Variants in SLC7A9 observed in about 807,000 individuals in gnomAD.
SLC7A9 encodes the protein B(0,+)-type amino acid transporter 1.
Under a neutral mutation model 54.1 loss-of-function variants are expected in SLC7A9, and 38 were observed. The observed-to-expected ratio is 0.70, with a 90% CI of 0.54 to 0.92. The LOEUF is 0.92. Ranked by LOEUF, SLC7A9 falls within the 40% of genes least tolerant of loss-of-function variation. The probability of loss-of-function intolerance (pLI) is 0.00; values close to 1 mark genes in which losing one functional copy is unlikely to be tolerated. For synonymous variants in SLC7A9, 264 were observed against 258.9 expected (o/e 1.02, Z -0.19); for missense variants, 537 against 636.1 (o/e 0.84, Z 1.68).
At chr19:32,832,135 GGAAAT>G (rs1967815224) in intron 12 of SLC7A9, among the ~76,000 whole-genome samples, 1 of 150,080 alleles carries the variant, frequency 6.7e-6, no homozygotes, top group Non-Finnish European at 1.5e-5. Context: ...ACAACAACAA[GGAAAT>G]TAGCCGGGTG....
intron 3 of SLC7A9, 116 bp from the exon 4 acceptor site, chr19:32,864,454 C>G: frequency 6.5e-7 from 1 of 1,533,686 alleles, no homozygotes; most frequent in East Asian, 2.3e-5. Context: ...GTGGTCCGCC[C>G]TCGCTGGACG....
chr19:32,860,921 C>A (rs559399074), intron 6 of SLC7A9, among the ~76,000 whole-genome samples: 1 of 152,204 alleles, frequency 6.6e-6, no homozygotes, highest in African/African-American at 2.4e-5. Context: ...AGTAGTGAGT[C>A]CCCAGGGTGC....
chr19:32,838,790 CAAAT>C (rs1184169202), intron 11 of SLC7A9, among the ~76,000 whole-genome samples: 7 of 145,506 alleles, frequency 4.8e-5, no homozygotes, highest in Admixed American at 2.1e-4. Context: ...TATACATATA[CAAAT>C]ATATACATAT....
intron 9 of SLC7A9, among the ~76,000 whole-genome samples, chr19:32,847,223 C>A (rs1249414773): frequency 6.6e-6 from 1 of 152,060 alleles, no homozygotes; most frequent in Admixed American, 6.6e-5. Flanking sequence ...AGGCTTCAGA[C>A]GGTCCAACTA....
chr19:32,868,697 C>G, intron 1 of SLC7A9, 52 bp from the exon 2 acceptor site: 1 of 693,022 alleles, frequency 1.4e-6, no homozygotes, highest in Non-Finnish European at 2.6e-6. Context: ...GCTGCCAGTC[C>G]CTCAGGGCTC....
chr19:32,846,458 C>T lies in SLC7A9; in HGVS notation c.978-2507G>A, dbSNP rs563562664. On this transcript the variant is annotated intron_variant, in intron 9 of 12. Transcript: ENST00000023064. ...CTGAGATCAAACTGCAAGGCGGCAG[C>T]GAGGCTGGGGGAGGGGCGCCTGCCA... Among the ~76,000 whole-genome samples, 333 of 152,266 alleles carry T rather than the reference C, an allele frequency of 2.2e-3. 1 individual carries two copies. The highest frequency in any genetic ancestry group is 6.7e-3 in the African/African-American group (279 of 41,552).
chr19:32,868,020 C>T (rs762358627), intron 2 of SLC7A9, among the ~76,000 whole-genome samples: 35 of 150,420 alleles, frequency 2.3e-4, no homozygotes, highest in Non-Finnish European at 4.9e-4. Flanking sequence ...CACCTGAGGC[C>T]AAGAGTCTGA....
At chr19:32,860,673 C>T (rs201306812) in intron 6 of SLC7A9, 23 bp from the exon 7 acceptor site, 28 of 1,613,788 alleles carry the variant, frequency 1.7e-5, no homozygotes, top group African/African-American at 5.3e-5. Context: ...AAGTAACAAG[C>T]GTCACACACC....
intron 11 of SLC7A9, among the ~76,000 whole-genome samples, chr19:32,835,222 T>A (rs553111760): frequency 6.6e-6 from 1 of 152,346 alleles, no homozygotes; most frequent in African/African-American, 2.4e-5. Flanking sequence ...AGATTTTTTA[T>A]ATCGTTATTC....
intron 11 of SLC7A9, among the ~76,000 whole-genome samples, chr19:32,834,216 T>C (rs1967890056): frequency 6.6e-6 from 1 of 152,210 alleles, no homozygotes; most frequent in Admixed American, 6.5e-5. Context: ...CTCTTTGTTT[T>C]CTGGGTGACA....
At chr19:32,846,316 CCCT>C (rs1968291901) in intron 9 of SLC7A9, among the ~76,000 whole-genome samples, 1 of 152,214 alleles carries the variant, frequency 6.6e-6, no homozygotes. Flanking sequence ...GTCACTCCCA[CCCT>C]AATACTGCGC....
At chr19:32,855,522 A>AC (rs1391877163) in intron 9 of SLC7A9, among the ~76,000 whole-genome samples, 4 of 151,888 alleles carry the variant, frequency 2.6e-5, no homozygotes, top group Non-Finnish European at 5.9e-5. Context: ...ACACGGTGAA[A>AC]CCCCATCTCT....
intron 10 of SLC7A9, 63 bp from the exon 11 acceptor site, chr19:32,842,380 A>T (rs1453790845): frequency 3.3e-6 from 5 of 1,499,788 alleles, no homozygotes; most frequent in Non-Finnish European, 2.8e-6. Flanking sequence ...ATGTCACAGA[A>T]GACCGAAGAA....
At chr19:32,869,426 TATTTGCCCCGGCTGGCC>T (rs1454386082) in intron 1 of SLC7A9, among the ~76,000 whole-genome samples, 1 of 152,234 alleles carries the variant, frequency 6.6e-6, no homozygotes, top group African/African-American at 2.4e-5. Context: ...GGAGTGTTGC[TATTTGCCCCGGCTGGCC>T]TCAAGCAGTC....
At chr19:32,841,136 G>A (rs181812700) in intron 11 of SLC7A9, among the ~76,000 whole-genome samples, 1 of 152,298 alleles carries the variant, frequency 6.6e-6, no homozygotes, top group African/African-American at 2.4e-5. Flanking sequence ...ACCACTGGAT[G>A]TATCTCTGAA....
At chr19:32,841,631 G>A (rs950323719) in intron 11 of SLC7A9, among the ~76,000 whole-genome samples, 1 of 152,170 alleles carries the variant, frequency 6.6e-6, no homozygotes, top group African/African-American at 2.4e-5. Context: ...ACTGGGCTGG[G>A]TGCAGTAGCT....
intron 3 of SLC7A9, 46 bp downstream of exon 3, chr19:32,864,583 C>T (rs1275587088): frequency 5.6e-6 from 9 of 1,607,896 alleles, no homozygotes; most frequent in Non-Finnish European, 7.6e-6. Flanking sequence ...GCCTGGCGTG[C>T]CCCTGCATGC....
At chr19:32,833,937 T>C (rs1967881774) in intron 11 of SLC7A9, among the ~76,000 whole-genome samples, 3 of 152,220 alleles carry the variant, frequency 2.0e-5, no homozygotes, top group Admixed American at 2.0e-4. Flanking sequence ...TGAAATGCTA[T>C]ATGAAGTACT....
chr19:32,842,012 C>T (rs1968139857), intron 11 of SLC7A9, among the ~76,000 whole-genome samples, 156 bp downstream of exon 11: 1 of 152,206 alleles, frequency 6.6e-6, no homozygotes, highest in Admixed American at 6.5e-5. Context: ...GGATCATAAA[C>T]TATGCTGTGA....
Sources: allele counts gnomAD v4.1 joint callset (sites outside exome capture counted in the v4.1 genomes callset), GRCh38; gene constraint gnomAD v4.1.1; transcripts MANE v1.5; gene names NCBI Gene and HGNC (gene_info 2026-07-23, HGNC 2026-07-21).